CSMD1: variants seen among roughly 807,000 people sequenced by gnomAD.
CSMD1 encodes the protein CUB and sushi domain-containing protein 1.
A neutral mutation model predicts 417.5 loss-of-function variants in CSMD1; 213 were observed. The ratio of observed to expected loss-of-function variants is 0.51; its 90% CI spans 0.46 to 0.57. The LOEUF (loss-of-function observed/expected upper bound fraction) is 0.57, where lower values mean the gene tolerates loss of function less well. Among genes scored for constraint, CSMD1 ranks in the 20% least tolerant of loss-of-function variants. The pLI is 0.00. For missense variants in CSMD1, 6,923 were observed against 4,529.7 expected (o/e 1.53, Z -15.17); for synonymous variants, 2,862 against 1,736.8 (o/e 1.65, Z -16.11).
chr8:3,383,940 G>T (rs976611927), intron 18 of CSMD1, among the ~76,000 whole-genome samples: 2 of 152,156 alleles, frequency 1.3e-5, no homozygotes, highest in African/African-American at 4.8e-5. Context: ...GGACCCCACA[G>T]ACTTAAGGTT....
chr8:3,198,900 A>C (rs1796842545), intron 33 of CSMD1, among the ~76,000 whole-genome samples: 1 of 135,316 alleles, frequency 7.4e-6, no homozygotes, highest in African/African-American at 2.7e-5. Flanking sequence ...CCTCCAGCAA[A>C]ATTGAGACCT....
At chr8:3,461,960 G>C (rs1426321312) in intron 12 of CSMD1, among the ~76,000 whole-genome samples, 1 of 152,218 alleles carries the variant, frequency 6.6e-6, no homozygotes, top group Non-Finnish European at 1.5e-5. Context: ...GGCCGGACAG[G>C]AGGGTGGCGG....
chr8:3,347,217 T>G (rs987515538), intron 22 of CSMD1, among the ~76,000 whole-genome samples: 2 of 152,246 alleles, frequency 1.3e-5, no homozygotes, highest in Non-Finnish European at 2.9e-5. Context: ...TAGCTCTTGT[T>G]TCTTGAAGCT....
intron 7 of CSMD1, among the ~76,000 whole-genome samples, chr8:3,649,744 GC>G (rs1257019299): frequency 2.0e-5 from 3 of 152,050 alleles, no homozygotes; most frequent in Non-Finnish European, 4.4e-5. Flanking sequence ...GGGACACAAA[GC>G]CTAACCATAA....
At chr8:4,222,128 T>C in intron 3 of CSMD1, among the ~76,000 whole-genome samples, 1 of 150,186 alleles carries the variant, frequency 6.7e-6, no homozygotes. Context: ...CAGAAGCAAG[T>C]AGAAGAGAAC....
chr8:2,975,604 CAT>C (rs1444425051), intron 55 of CSMD1, among the ~76,000 whole-genome samples: 5 of 152,282 alleles, frequency 3.3e-5, no homozygotes, highest in East Asian at 1.9e-4. Flanking sequence ...ATTTTATCCA[CAT>C]AGAGTCCTTA....
chr8:3,567,504 AGGGAG>A (rs1799763879), intron 10 of CSMD1, among the ~76,000 whole-genome samples: 2 of 129,882 alleles, frequency 1.5e-5, no homozygotes, highest in African/African-American at 5.7e-5. Context: ...AAAGGAAGGA[AGGGAG>A]GGGAGGGGGA....
chr8:4,532,944 C>T (rs1246183572), intron 2 of CSMD1, among the ~76,000 whole-genome samples: 1 of 152,134 alleles, frequency 6.6e-6, no homozygotes, highest in Admixed American at 6.5e-5. Flanking sequence ...TTCACAGTCA[C>T]TCCGGAAGAG....
intron 3 of CSMD1, among the ~76,000 whole-genome samples, chr8:4,268,339 C>T (rs1171988769): frequency 6.6e-6 from 1 of 152,070 alleles, no homozygotes. Flanking sequence ...TAATTAGATT[C>T]TTTTTGACTA....
intron 8 of CSMD1, among the ~76,000 whole-genome samples, chr8:3,604,162 G>C (rs951968815): frequency 7.2e-5 from 11 of 152,122 alleles, no homozygotes; most frequent in Non-Finnish European, 1.5e-4. Flanking sequence ...CTCTCTACGG[G>C]GCTCAGAATC....
chr8:3,584,098 T>G (rs1800497778), intron 9 of CSMD1, among the ~76,000 whole-genome samples: 1 of 152,190 alleles, frequency 6.6e-6, no homozygotes, highest in Admixed American at 6.6e-5. Context: ...TTACTTCAAA[T>G]ACATTTTTAC....
At chr8:3,507,006 T>C (rs148796601) in intron 10 of CSMD1, among the ~76,000 whole-genome samples, 1 of 152,352 alleles carries the variant, frequency 6.6e-6, no homozygotes, top group African/African-American at 2.4e-5. Flanking sequence ...TACATTTTCA[T>C]ACAAGATGTT....
intron 11 of CSMD1, among the ~76,000 whole-genome samples, chr8:3,478,682 T>C (rs113945679): frequency 0.027 from 4,038 of 152,180 alleles, 188 homozygotes; most frequent in African/African-American, 0.09. Flanking sequence ...GATGCAACTG[T>C]GACCCGTCTG....
chr8:3,886,859 T>C (rs966038040), intron 5 of CSMD1, among the ~76,000 whole-genome samples: 2 of 152,290 alleles, frequency 1.3e-5, no homozygotes, highest in African/African-American at 2.4e-5. Context: ...CTGCCCTCAA[T>C]GGCTACACTA....
rs879642415 is a variant in CSMD1 at position 4,856,333 on chromosome 8, G to C, written c.85+137999C>G. On this transcript the variant is annotated intron_variant, in intron 1 of 69. Transcript: ENST00000635120. ...ATCATGCCAAAATGTAAAGACCATCGAGACTAGGAAGAAACTGCATCAACT... is the reference window on the plus strand; with the variant it reads ...ATCATGCCAAAATGTAAAGACCATCCAGACTAGGAAGAAACTGCATCAACT... Among the ~76,000 whole-genome samples the C allele has an allele frequency of 4.5e-4, 66 of 145,202 alleles. 1 individual carries two copies. Among genetic ancestry groups the C allele is most frequent in the African/African-American group, 1.6e-3 (61 of 38,284 alleles).
At chr8:3,383,671 C>T (rs765355327) in intron 18 of CSMD1, among the ~76,000 whole-genome samples, 3 of 151,024 alleles carry the variant, frequency 2.0e-5, no homozygotes, top group Non-Finnish European at 4.4e-5. Context: ...ATGTGTAGAT[C>T]GAAGGAACTG....
rs552446727 is a variant in CSMD1 at position 4,692,984 on chromosome 8, T to G, written c.86-55426A>C. ...TCACCTGCCTTATTTCTGCCATGGTTCCTGGAACAAAGCTCATCATGGGAA... is the reference window on the plus strand; with the variant it reads ...TCACCTGCCTTATTTCTGCCATGGTGCCTGGAACAAAGCTCATCATGGGAA... On this transcript the variant is annotated intron_variant, in intron 1 of 69. Coordinates refer to ENST00000635120, the MANE Select transcript of CSMD1 (RefSeq NM_033225.6). Among the ~76,000 whole-genome samples, 3 of 152,276 alleles carry G rather than the reference T, an allele frequency of 2.0e-5. No homozygotes were observed. The South Asian group carries it at 6.2e-4, about 32-fold the overall frequency.
intron 48 of CSMD1, among the ~76,000 whole-genome samples, chr8:3,090,016 T>C (rs898904231): frequency 6.6e-6 from 1 of 152,156 alleles, no homozygotes. Context: ...CAAACACCTT[T>C]AAGAGTCTGA....
intron 11 of CSMD1, among the ~76,000 whole-genome samples, chr8:3,473,183 T>G (rs557783666): frequency 3.1e-4 from 47 of 152,364 alleles, no homozygotes; most frequent in Non-Finnish European, 6.2e-4. Context: ...AGTTCTATAC[T>G]GAACTTTGCT....
Sources: gnomAD v4.1 joint callset for allele counts (sites outside exome capture counted in the v4.1 genomes callset) on GRCh38, gnomAD v4.1.1 for gene constraint, MANE v1.5 for transcripts, NCBI Gene and HGNC (gene_info 2026-07-23, HGNC 2026-07-21) for gene names.